CNTNAP5: variants seen among roughly 807,000 people sequenced by gnomAD.
The protein encoded by CNTNAP5 is contactin associated protein family member 5.
CNTNAP5 carries 72 observed loss-of-function variants against 150.2 expected under a neutral mutation model. That is an observed-to-expected ratio of 0.48 (90% CI 0.40 to 0.58). CNTNAP5 has a LOEUF of 0.58. CNTNAP5 is among the 20% of genes least tolerant of loss of function. The pLI is 0.00. For missense variants in CNTNAP5, 1,636 were observed against 1,626.2 expected, an observed-to-expected ratio of 1.01 and a Z score of -0.10; for synonymous variants, 672 against 619.8, an observed-to-expected ratio of 1.08 and a Z score of -1.25.
At chr2:124,385,743 C>CA (rs923451370) in intron 3 of CNTNAP5, among the ~76,000 whole-genome samples, 7 of 152,106 alleles carry the variant, frequency 4.6e-5, no homozygotes, top group Non-Finnish European at 1.0e-4. Flanking sequence ...CCTTCTTGGG[C>CA]AAAAATAATC....
At chr2:124,475,906 T>C (rs1188540526) in intron 7 of CNTNAP5, among the ~76,000 whole-genome samples, 1 of 152,152 alleles carries the variant, frequency 6.6e-6, no homozygotes, top group Non-Finnish European at 1.5e-5. Flanking sequence ...TGTTCTGGGC[T>C]TAAGTGCCTG....
chr2:124,636,673 T>C (rs1429628245), intron 12 of CNTNAP5, among the ~76,000 whole-genome samples: 1 of 152,178 alleles, frequency 6.6e-6, no homozygotes, highest in African/African-American at 2.4e-5. Flanking sequence ...TCTGTGTGTG[T>C]ATGTGTTGGT....
intron 23 of CNTNAP5, among the ~76,000 whole-genome samples, chr2:124,912,662 T>C (rs1254600314): frequency 6.6e-6 from 1 of 152,096 alleles, no homozygotes; most frequent in Non-Finnish European, 1.5e-5. Context: ...TGTGCCTATT[T>C]CTCTTTCAAT....
chr2:124,234,922 G>A (rs1345406254), intron 2 of CNTNAP5, among the ~76,000 whole-genome samples: 1 of 152,134 alleles, frequency 6.6e-6, no homozygotes, highest in African/African-American at 2.4e-5. Flanking sequence ...GGCTGTTCGT[G>A]CTCATATGCC....
intron 12 of CNTNAP5, among the ~76,000 whole-genome samples, chr2:124,639,724 T>G (rs1457952483): frequency 2.6e-5 from 4 of 152,170 alleles, no homozygotes; most frequent in African/African-American, 9.7e-5. Flanking sequence ...TCCCCAGTCT[T>G]ATCCTCAGTG....
chr2:124,344,837 T>C (rs1015691202), intron 3 of CNTNAP5, among the ~76,000 whole-genome samples: 4 of 152,128 alleles, frequency 2.6e-5, no homozygotes, highest in Admixed American at 2.6e-4. Flanking sequence ...CTTCTTTGAT[T>C]TCATGTCTCA....
rs1553441882 is a variant in CNTNAP5, at chr2:124,145,843, A to AAAT, written c.83-75860_83-75859insTAA. ...AAAAAAAAAAAGAAGAAAAAAAAAA[A>AAAT]AAATAAAATATATTTAATGGGATTT... is the stretch of plus-strand genomic sequence containing the variant. On this transcript the variant is annotated intron_variant, in intron 1 of 23. Transcript: ENST00000682447. Among the ~76,000 whole-genome samples the AAAT allele has an allele frequency of 5.2e-3, 753 of 143,744 alleles. 7 individuals are homozygous for AAAT. Among genetic ancestry groups the AAAT allele is most frequent in the African/African-American group, 0.017 (681 of 38,926 alleles). 94.3% of individuals were successfully genotyped at this position (143,744 alleles called of 152,430 possible).
chr2:124,864,528 T>TTCTC (rs145502587), intron 19 of CNTNAP5, among the ~76,000 whole-genome samples: 2 of 147,898 alleles, frequency 1.4e-5, no homozygotes, highest in East Asian at 2.0e-4. Flanking sequence ...TGAGCTAATA[T>TTCTC]TCTCTCTCTC....
chr2:124,746,169 A>T (rs769865681), intron 13 of CNTNAP5, among the ~76,000 whole-genome samples: 129 of 152,302 alleles, frequency 8.5e-4, no homozygotes, highest in Non-Finnish European at 1.6e-3. Flanking sequence ...TATATCAATC[A>T]CAAATAAGAC....
chr2:124,504,703 ATTTT>A (rs34518488), intron 8 of CNTNAP5, 147 bp downstream of exon 8: 3,708 of 367,778 alleles, frequency 0.01, no homozygotes, highest in East Asian at 0.021. Flanking sequence ...AAGAGGCAGC[ATTTT>A]TTTTTTTTTT....
intron 1 of CNTNAP5, among the ~76,000 whole-genome samples, chr2:124,121,854 C>T (rs1014831443): frequency 1.4e-4 from 22 of 152,232 alleles, no homozygotes; most frequent in African/African-American, 3.4e-4. Flanking sequence ...TAGCACTTAA[C>T]GCTAATTAAA....
intron 3 of CNTNAP5, among the ~76,000 whole-genome samples, chr2:124,409,911 C>T (rs1691699047): frequency 6.6e-6 from 1 of 150,766 alleles, no homozygotes; most frequent in Non-Finnish European, 1.5e-5. Context: ...CTAAATGCTC[C>T]AATTAAAAGA....
chr2:124,146,464 A>G (rs1287578567), intron 1 of CNTNAP5, among the ~76,000 whole-genome samples: 1 of 152,058 alleles, frequency 6.6e-6, no homozygotes, highest in African/African-American at 2.4e-5. Flanking sequence ...AAATAAAGAG[A>G]GAGAAATGTT....
intron 13 of CNTNAP5, among the ~76,000 whole-genome samples, chr2:124,709,597 G>A (rs1679764450): frequency 6.6e-6 from 1 of 152,074 alleles, no homozygotes; most frequent in African/African-American, 2.4e-5. Context: ...AATCTGCTCA[G>A]AGACAAAATA....
At chr2:124,719,845 A>G (rs1397716628) in intron 13 of CNTNAP5, among the ~76,000 whole-genome samples, 1 of 152,192 alleles carries the variant, frequency 6.6e-6, no homozygotes, top group Non-Finnish European at 1.5e-5. Flanking sequence ...AGTGTAGCAG[A>G]GTGCATGGCT....
chr2:124,165,429 C>T (rs1464874280), intron 1 of CNTNAP5, among the ~76,000 whole-genome samples: 1 of 152,152 alleles, frequency 6.6e-6, no homozygotes, highest in African/African-American at 2.4e-5. Flanking sequence ...TTCCCTTAAC[C>T]TCTCTTTGCC....
chr2:124,315,469 G>A (rs1423803711), intron 3 of CNTNAP5, among the ~76,000 whole-genome samples: 1 of 152,142 alleles, frequency 6.6e-6, no homozygotes, highest in East Asian at 1.9e-4. Flanking sequence ...GTAGAAGCAA[G>A]CAGAACAAGG....
intron 14 of CNTNAP5, among the ~76,000 whole-genome samples, chr2:124,749,935 A>C (rs971667095): frequency 1.3e-5 from 2 of 151,944 alleles, no homozygotes; most frequent in African/African-American, 4.8e-5. Context: ...TCCTTTCCTA[A>C]AACTTTCCAC....
At chr2:124,809,837 A>G (rs976826452) in intron 19 of CNTNAP5, among the ~76,000 whole-genome samples, 1 of 152,208 alleles carries the variant, frequency 6.6e-6, no homozygotes, top group Non-Finnish European at 1.5e-5. Flanking sequence ...AATTGAAAAT[A>G]TTTTATAGAA....
Sources: allele counts gnomAD v4.1 joint callset (sites outside exome capture counted in the v4.1 genomes callset), GRCh38; gene constraint gnomAD v4.1.1; transcripts MANE v1.5; gene names NCBI Gene and HGNC (gene_info 2026-07-23, HGNC 2026-07-21).